The following CAMK1D variants were observed in gnomAD, a reference collection of about 807,000 sequenced individuals.
The protein encoded by CAMK1D is calcium/calmodulin-dependent protein kinase type 1D.
Under a neutral mutation model 47.7 loss-of-function variants are expected in CAMK1D, and 9 were observed. That is an observed-to-expected ratio of 0.19 (90% CI 0.11 to 0.33). The LOEUF is 0.33. Among genes scored for constraint, CAMK1D ranks in the 10% least tolerant of loss-of-function variants. The pLI, the probability that CAMK1D is intolerant of heterozygous loss-of-function variation, is 1.00. For missense variants in CAMK1D, 291 were observed against 488.7 expected, an observed-to-expected ratio of 0.60 and a Z score of 3.81; for synonymous variants, 184 against 184.9, an observed-to-expected ratio of 0.99 and a Z score of 0.04.
intron 5 of CAMK1D, among the ~76,000 whole-genome samples, chr10:12,780,631 G>A (rs1005085112): frequency 2.0e-5 from 3 of 151,984 alleles, no homozygotes; most frequent in Non-Finnish European, 2.9e-5. Flanking sequence ...CAGTCCTTTC[G>A]TCTTCACTCC....
chr10:12,632,598 A>T (rs1839411182), intron 2 of CAMK1D, among the ~76,000 whole-genome samples: 1 of 152,166 alleles, frequency 6.6e-6, no homozygotes, highest in South Asian at 2.1e-4. Context: ...AGGTGTATTT[A>T]TTTCTGTTTT....
At chr10:12,603,834 C>G (rs182860894) in intron 2 of CAMK1D, among the ~76,000 whole-genome samples, 3 of 152,300 alleles carry the variant, frequency 2.0e-5, no homozygotes, top group Admixed American at 1.3e-4. Flanking sequence ...TCATCTTTCC[C>G]CCATCTCCAG....
rs34312096 is a variant in CAMK1D at position 12,392,017 on chromosome 10, A to ACACACACACACACAC, written c.92+42107_92+42108insCACACACACACACAC. On this transcript the variant is annotated intron_variant, in intron 1 of 10. Transcript: ENST00000619168. ...CACACACACACACACACACACACACAAACAGTCTGGGTATGGTGGCTCACA... is the reference window on the plus strand; with the variant it reads ...CACACACACACACACACACACACACACACACACACACACACAACAGTCTGGGTATGGTGGCTCACA... Among the ~76,000 whole-genome samples the ACACACACACACACAC allele has an allele frequency of 7.8e-4, 115 of 147,322 alleles. 1 individual carries two copies. The highest frequency in any genetic ancestry group is 3.4e-3 in the Middle Eastern group (1 of 294).
intron 6 of CAMK1D, 45 bp from the exon 7 acceptor site, chr10:12,814,150 C>T: frequency 8.0e-7 from 1 of 1,251,528 alleles, no homozygotes; most frequent in Non-Finnish European, 1.2e-6. Flanking sequence ...AGTCACCACA[C>T]TGGTTATGCA....
chr10:12,724,923 G>A (rs867782565), intron 3 of CAMK1D, among the ~76,000 whole-genome samples: 3 of 151,832 alleles, frequency 2.0e-5, no homozygotes, highest in Admixed American at 6.6e-5. Context: ...GTGTCTCAGC[G>A]TCTGCCACCT....
intron 1 of CAMK1D, among the ~76,000 whole-genome samples, chr10:12,540,094 C>CTTTTTTT (rs147814684): frequency 2.0e-5 from 3 of 146,544 alleles, no homozygotes; most frequent in Non-Finnish European, 3.0e-5. Context: ...TTTCTTTTTT[C>CTTTTTTT]TTTTCTTTTT....
chr10:12,636,438 C>A (rs1839513580), intron 2 of CAMK1D, among the ~76,000 whole-genome samples: 1 of 152,218 alleles, frequency 6.6e-6, no homozygotes, highest in African/African-American at 2.4e-5. Flanking sequence ...AGCGATCCTC[C>A]CACCTCAGCT....
chr10:12,749,461 A>AG (rs920247231), intron 3 of CAMK1D, among the ~76,000 whole-genome samples: 1 of 150,612 alleles, frequency 6.6e-6, no homozygotes, highest in Non-Finnish European at 1.5e-5. Flanking sequence ...AAAAAAAAAA[A>AG]AAAGAAATCC....
chr10:12,384,327 T>G (rs1183799706), intron 1 of CAMK1D, among the ~76,000 whole-genome samples: 1 of 152,196 alleles, frequency 6.6e-6, no homozygotes, highest in East Asian at 1.9e-4. Flanking sequence ...AATCCCAGCT[T>G]GCCCTTTCTG....
chr10:12,662,232 A>G (rs1840293515), intron 2 of CAMK1D, among the ~76,000 whole-genome samples: 4 of 152,262 alleles, frequency 2.6e-5, no homozygotes, highest in African/African-American at 9.6e-5. Context: ...AATAAGAGCA[A>G]TAGATGAGTC....
intron 3 of CAMK1D, among the ~76,000 whole-genome samples, chr10:12,703,248 A>G (rs1833593376): frequency 6.6e-6 from 1 of 152,256 alleles, no homozygotes; most frequent in Non-Finnish European, 1.5e-5. Flanking sequence ...CAGTCTCTCC[A>G]GAATTTAACA....
intron 3 of CAMK1D, among the ~76,000 whole-genome samples, chr10:12,734,428 A>G (rs1835068736): frequency 8.7e-5 from 3 of 34,416 alleles, no homozygotes; most frequent in Middle Eastern, 0.01. Context: ...ACATGTATAT[A>G]TATATACACA....
At chr10:12,503,053 C>T (rs540270081) in intron 1 of CAMK1D, among the ~76,000 whole-genome samples, 4 of 152,186 alleles carry the variant, frequency 2.6e-5, no homozygotes, top group African/African-American at 9.6e-5. Flanking sequence ...TGTGTGTATA[C>T]TTGTGTATAC....
intron 1 of CAMK1D, among the ~76,000 whole-genome samples, chr10:12,459,332 A>G (rs1431276793): frequency 6.6e-6 from 1 of 152,252 alleles, no homozygotes; most frequent in African/African-American, 2.4e-5. Flanking sequence ...TGATCATGAT[A>G]GTTTGCTTTC....
chr10:12,709,693 C>T lies in CAMK1D; in HGVS notation c.299+42883C>T, dbSNP rs562594059. On this transcript the variant is annotated intron_variant, in intron 3 of 10. Coordinates refer to ENST00000619168, the MANE Select transcript of CAMK1D (RefSeq NM_153498.4). ...TAGGATTATGGAGTGATTCAGTTTC[C>T]TCTCTGTAGCAACATCCATGAAAAT... is the stretch of plus-strand genomic sequence containing the variant. 5.3e-5 allele frequency among the ~76,000 whole-genome samples: 8 copies of T among 152,256 alleles called. No homozygotes were observed. In the East Asian group the frequency reaches 1.5e-3, roughly 29 times the overall value.
chr10:12,693,633 C>A, intron 3 of CAMK1D, among the ~76,000 whole-genome samples: 1 of 151,404 alleles, frequency 6.6e-6, no homozygotes, highest in Non-Finnish European at 1.5e-5. Context: ...CCCTGTCCCC[C>A]CCTAAAAAAG....
At chr10:12,535,808 A>C (rs1283849545) in intron 1 of CAMK1D, among the ~76,000 whole-genome samples, 1 of 152,156 alleles carries the variant, frequency 6.6e-6, no homozygotes, top group Non-Finnish European at 1.5e-5. Flanking sequence ...GTTACTGTTT[A>C]CCCACCACAC....
At chr10:12,613,871 C>T (rs752281934) in intron 2 of CAMK1D, among the ~76,000 whole-genome samples, 1 of 152,116 alleles carries the variant, frequency 6.6e-6, no homozygotes, top group South Asian at 2.1e-4. Flanking sequence ...GCAATAATAT[C>T]CCGATTGTAC....
At chr10:12,671,774 A>G (rs751568582) in intron 3 of CAMK1D, among the ~76,000 whole-genome samples, 19 of 151,816 alleles carry the variant, frequency 1.3e-4, no homozygotes, top group Non-Finnish European at 1.8e-4. Context: ...GTATTCCCCT[A>G]TTCTGTAGAT....
Sources: allele counts gnomAD v4.1 joint callset (sites outside exome capture counted in the v4.1 genomes callset), GRCh38; gene constraint gnomAD v4.1.1; transcripts MANE v1.5; gene names NCBI Gene and HGNC (gene_info 2026-07-23, HGNC 2026-07-21).